Variants in TMEM63A observed in about 807,000 individuals in gnomAD.
TMEM63A encodes mechanosensitive cation channel TMEM63A.
TMEM63A carries 76 observed loss-of-function variants against 100.6 expected under a neutral mutation model. That is an observed-to-expected ratio of 0.76 (90% CI 0.63 to 0.91). The LOEUF (loss-of-function observed/expected upper bound fraction) is 0.91, where lower values mean the gene tolerates loss of function less well. Ranked by LOEUF, TMEM63A falls within the 40% of genes least tolerant of loss-of-function variation. The probability of loss-of-function intolerance (pLI) is 0.00; values close to 1 mark genes in which losing one functional copy is unlikely to be tolerated. For synonymous variants in TMEM63A, 401 were observed against 401.1 expected (o/e 1.00, Z 0.00); for missense variants, 876 against 1,008.8 (o/e 0.87, Z 1.78).
chr1:225,865,914 A>G lies in TMEM63A; in HGVS notation c.729T>C (p.Thr243=), dbSNP rs549019999. ...TGLPRDARKE[T]VESHFRDAYP... is the part of the protein sequence containing the mutation. ...CTGCTTACCGGAAGTGGCTCTCCAC[A>G]GTCTCCTTCCTGGCATCTCTGGGGA... The change falls in exon 10 of 25, where the codon ACT becomes ACC. Residue 243 remains threonine, a synonymous_variant. Transcript: ENST00000366835. This position sits in a 1 kb window ranked among gnomAD's most constrained non-coding sequence, Gnocchi z 4.6. 169 of 1,613,772 alleles carry G rather than the reference A, an allele frequency of 1.0e-4. No individual in the cohort carries two copies. Among genetic ancestry groups the G allele is most frequent in the Non-Finnish European group, 1.4e-4 (164 of 1,179,912 alleles).
downstream of TMEM63A, chr1:225,844,749 GC>G: frequency 1.4e-6 from 2 of 1,445,660 alleles, no homozygotes; most frequent in Middle Eastern, 4.7e-4. Flanking sequence ...TGCCCCAGGG[GC>G]CCTTGGATGG....
chr1:225,845,401 T>C, downstream of TMEM63A: 3 of 1,503,844 alleles, frequency 2.0e-6, no homozygotes, highest in Non-Finnish European at 2.7e-6. Flanking sequence ...CTCCAGGCTT[T>C]TCTTGGGGAA....
downstream of TMEM63A, among the ~76,000 whole-genome samples, chr1:225,840,709 A>G (rs1303417609): frequency 2.0e-5 from 3 of 152,176 alleles, no homozygotes; most frequent in Non-Finnish European, 4.4e-5. Flanking sequence ...CAGAACTGTA[A>G]AATAGCTCAA....
Position 225,871,064 on chromosome 1 carries a change from G to A in TMEM63A, c.371+12C>T, listed in dbSNP as rs201929246. 4.5e-5 allele frequency: 72 copies of A among 1,613,772 alleles called. No homozygotes were observed. In the Middle Eastern group the frequency reaches 8.3e-4, roughly 18 times the overall value. On this transcript the variant is annotated intron_variant, in intron 6 of 24. Transcript: ENST00000366835. ...CAAAGGCCCCCCAGCAGCTGCCCCCGGGTGTACTCACTGCAGACGGAAGAT... is the reference window on the plus strand; with the variant it reads ...CAAAGGCCCCCCAGCAGCTGCCCCCAGGTGTACTCACTGCAGACGGAAGAT...
chr1:225,843,910 C>G (rs80058156), downstream of TMEM63A, among the ~76,000 whole-genome samples: 2,101 of 152,270 alleles, frequency 0.014, 51 homozygotes, highest in African/African-American at 0.048. Context: ...TCTGTCCCTG[C>G]TCCCTGCTGC....
chr1:225,853,676 G>C lies in TMEM63A; in HGVS notation c.1750C>G (p.Arg584Gly), dbSNP rs75188792. Residue 584 changes from arginine to glycine, a missense_variant, in exon 19 of 25, where the codon CGC becomes GGC. This residue lies in a region of TMEM63A where 339 missense variants were observed against 342.3 expected (regional missense o/e 0.99). Transcript: ENST00000366835. The surrounding 1 kb of genome is among the most constrained non-coding windows in gnomAD (Gnocchi z 4.0). ...GCAGCCGTCTTGGCCATGATCATGCGGAAGGTATAGAGGATGAGACCTGGC... is the reference window on the plus strand; with the variant it reads ...GCAGCCGTCTTGGCCATGATCATGCCGAAGGTATAGAGGATGAGACCTGGC... The part of the protein sequence containing the change: ...RLPGLILYTF[R>G]MIMAKTAADR... The C allele has an allele frequency of 1.3e-6, 2 of 1,582,432 alleles. No homozygotes were observed. The highest frequency in any genetic ancestry group is 1.7e-6 in the Non-Finnish European group (2 of 1,164,100).
downstream of TMEM63A, chr1:225,842,601 C>G: frequency 1.3e-6 from 1 of 789,832 alleles, no homozygotes; most frequent in Middle Eastern, 2.3e-4. Context: ...GGCTTTCTTA[C>G]AAATCCTCAC....
chr1:225,870,532 C>T (rs997720398), intron 6 of TMEM63A, among the ~76,000 whole-genome samples: 4 of 152,032 alleles, frequency 2.6e-5, no homozygotes, highest in Non-Finnish European at 5.9e-5. Flanking sequence ...GCTTTCTCTC[C>T]ATGGGCCCCA....
intron 23 of TMEM63A, chr1:225,848,173 G>A (rs146200243): frequency 8.4e-4 from 297 of 355,232 alleles, no homozygotes; most frequent in African/African-American, 5.9e-3. Context: ...AAACCCTAGC[G>A]CCTTACCATG....
intron 20 of TMEM63A, 83 bp downstream of exon 20, chr1:225,852,581 G>T: frequency 1.5e-6 from 2 of 1,349,046 alleles, no homozygotes; most frequent in Non-Finnish European, 2.1e-6. Context: ...ATTGTGCCCT[G>T]GTGATAGCTG....
chr1:225,844,581 A>G (rs1274499840), downstream of TMEM63A: 1 of 1,614,098 alleles, frequency 6.2e-7, no homozygotes, highest in Admixed American at 1.7e-5. Flanking sequence ...CGCTTCTACA[A>G]GGAGAACCTG....
downstream of TMEM63A, chr1:225,842,550 T>G (rs763027083): frequency 1.3e-5 from 14 of 1,045,850 alleles, no homozygotes; most frequent in Non-Finnish European, 2.0e-5. Flanking sequence ...CATCCCCTTG[T>G]CTGGTTGCTC....
At chr1:225,866,845 C>T in intron 8 of TMEM63A, 163 bp from the exon 9 acceptor site, 1 of 700,958 alleles carries the variant, frequency 1.4e-6, no homozygotes. Context: ...CCCCTCAGCC[C>T]ACAGTGAATA....
At chr1:225,856,802 C>T (rs1669643202) in intron 16 of TMEM63A, 64 bp from the exon 17 acceptor site, 1 of 1,575,752 alleles carries the variant, frequency 6.3e-7, no homozygotes, top group Admixed American at 1.8e-5. Context: ...CCAGTGAGGC[C>T]CCTGCCATGT....
chr1:225,860,821 C>A, intron 14 of TMEM63A, 39 bp downstream of exon 14: 1 of 1,562,992 alleles, frequency 6.4e-7, no homozygotes, highest in Non-Finnish European at 8.7e-7. Flanking sequence ...ACCAGGAACC[C>A]AGGCCTCTCT....
chr1:225,861,731 G>A, intron 13 of TMEM63A: 1 of 160,002 alleles, frequency 6.2e-6, no homozygotes, highest in Non-Finnish European at 1.4e-5. Context: ...ACTGTGAAAA[G>A]CCACTCCCCA....
At chr1:225,868,154 G>A in intron 6 of TMEM63A, 124 bp from the exon 7 acceptor site, 1 of 1,251,392 alleles carries the variant, frequency 8.0e-7, no homozygotes, top group East Asian at 2.4e-5. Flanking sequence ...CCACATTTTT[G>A]TTCACATATG....
In TMEM63A at chr1:225,862,788, G is replaced by T; in HGVS notation, c.810C>A (p.Ile270=). 1 of 1,614,016 alleles carries T rather than the reference G, an allele frequency of 6.2e-7. No homozygotes were observed. The change falls in exon 11 of 25, where the codon ATC becomes ATA. Residue 270 remains isoleucine (I), a synonymous_variant. Coordinates refer to ENST00000366835, the MANE Select transcript of TMEM63A (RefSeq NM_014698.3). The surrounding 1 kb of genome is among the most constrained non-coding windows in gnomAD (Gnocchi z 5.1). ...CCACTCACTTCTCCTTGCACAGGTA[G>T]ATCAGTTTGGCCACGTTGTAGCACA... ...VQLCYNVAKL[I]YLCKEKKKTE...
At chr1:225,842,078 C>A (rs1038007234), downstream of TMEM63A, among the ~76,000 whole-genome samples, 4 of 152,250 alleles carry the variant, frequency 2.6e-5, no homozygotes, top group African/African-American at 9.6e-5. Flanking sequence ...GGGACCCCAC[C>A]AAATGCAGAG....
Sources: allele counts gnomAD v4.1 joint callset (sites outside exome capture counted in the v4.1 genomes callset), GRCh38; gene constraint gnomAD v4.1.1; regional missense constraint gnomAD v4.1.1; non-coding constraint Gnocchi (gnomAD v3.1); transcripts MANE v1.5; gene names NCBI Gene and HGNC (gene_info 2026-07-23, HGNC 2026-07-21).